Variants in NCOA6 observed in about 807,000 individuals in gnomAD.
NCOA6 encodes the protein nuclear receptor coactivator 6, also known as NRC RAP250.
In NCOA6, 49 loss-of-function variants were observed where a neutral mutation model predicts 171.4. The ratio of observed to expected loss-of-function variants is 0.29; its 90% CI spans 0.23 to 0.36. The LOEUF is 0.36. Among genes scored for constraint, NCOA6 ranks in the 10% least tolerant of loss-of-function variants. NCOA6 has a pLI of 1.00. For missense variants in NCOA6, 2,248 were observed against 2,554.5 expected, an observed-to-expected ratio of 0.88 and a Z score of 2.59; for synonymous variants, 910 against 927.5, an observed-to-expected ratio of 0.98 and a Z score of 0.34.
In NCOA6 at chr20:34,733,850, CAAAAAAAAAA is replaced by C. The variant is rs60649247; in HGVS notation, c.5963-1265_5963-1256del. Reference sequence around the variant, plus strand: ...CTGGTGACAGAGCAAGACTCTGTCCCAAAAAAAAAAAAAAAAAAAAAAAAAAAAGGAAGGG... The same window carrying C: ...CTGGTGACAGAGCAAGACTCTGTCCCAAAAAAAAAAAAAAAAAAGGAAGGG... On this transcript the variant is annotated intron_variant, in intron 12 of 14. Transcript: ENST00000359003. 1.8e-4 allele frequency among the ~76,000 whole-genome samples: 8 copies of C among 44,410 alleles called. No homozygotes were observed. In the East Asian group the frequency reaches 5.9e-3, roughly 33 times the overall value. The allele number at this position is 44,410 out of a possible 152,430, so 29.1% of individuals were successfully genotyped here.
chr20:34,812,093 C>CA lies in NCOA6; in HGVS notation c.-164+13378dup, dbSNP rs934092975. On this transcript the variant is annotated intron_variant, in intron 1 of 14. Transcript: ENST00000359003. ...TGAAACCCTGTACCTACTAAAAATA[C>CA]AAAAAAAAAATTAGCTGGGCGTGGT... is the stretch of plus-strand genomic sequence containing the variant. Among the ~76,000 whole-genome samples, 221 of 147,902 alleles carry CA rather than the reference C, an allele frequency of 1.5e-3. 1 individual carries two copies. The highest frequency in any genetic ancestry group is 4.7e-3 in the African/African-American group (191 of 40,448).
intron 1 of NCOA6, among the ~76,000 whole-genome samples, chr20:34,793,727 AAACT>A (rs2077972717): frequency 6.6e-6 from 1 of 152,220 alleles, no homozygotes; most frequent in Admixed American, 6.5e-5. Flanking sequence ...AAAAAACAAC[AAACT>A]AAGAAAAAAA....
intron 2 of NCOA6, among the ~76,000 whole-genome samples, chr20:34,787,645 T>C (rs1423696955): frequency 6.6e-6 from 1 of 152,176 alleles, no homozygotes; most frequent in Non-Finnish European, 1.5e-5. Flanking sequence ...AACCTGTATT[T>C]GATGCAGGAC....
intron 1 of NCOA6, among the ~76,000 whole-genome samples, chr20:34,818,348 T>C (rs934816608): frequency 6.6e-6 from 1 of 152,094 alleles, no homozygotes; most frequent in African/African-American, 2.4e-5. Flanking sequence ...AGTAAGACCC[T>C]GGTTCTATTT....
At chr20:34,807,157 T>C (rs952703625) in intron 1 of NCOA6, among the ~76,000 whole-genome samples, 7 of 152,214 alleles carry the variant, frequency 4.6e-5, no homozygotes, top group Non-Finnish European at 7.3e-5. Context: ...TTTGTGATGT[T>C]GAAGAAGCTA....
At chr20:34,733,530 C>T (rs899513382) in intron 12 of NCOA6, among the ~76,000 whole-genome samples, 8 of 152,096 alleles carry the variant, frequency 5.3e-5, no homozygotes, top group African/African-American at 1.9e-4. Context: ...CAATCCCTTA[C>T]CTAAAAAATG....
At chr20:34,751,576 G>C (rs916257099) in intron 8 of NCOA6, among the ~76,000 whole-genome samples, 1 of 151,956 alleles carries the variant, frequency 6.6e-6, no homozygotes, top group Non-Finnish European at 1.5e-5. Context: ...GTAAAAAGCA[G>C]TTAATCTTGA....
rs1433221035 is a variant in NCOA6, at chr20:34,740,664, G to C, written c.5592C>G (p.Leu1864=). The part of the protein sequence containing the change: ...GQGLDTTAPG[L]MGTEQLSTEL... Reference sequence around the variant, plus strand: ...CTGTGGATAACTGCTCTGTTCCCATGAGCCCCGGAGCTGTGGTGTCTAGCC... The same window carrying C: ...CTGTGGATAACTGCTCTGTTCCCATCAGCCCCGGAGCTGTGGTGTCTAGCC... Residue 1864 remains leucine, a synonymous_variant, in exon 11 of 15, where the codon CTC becomes CTG. Coordinates refer to ENST00000359003, the MANE Select transcript of NCOA6 (RefSeq NM_014071.5). 5.0e-6 allele frequency: 8 copies of C among 1,614,196 alleles called. No homozygotes were observed. Among genetic ancestry groups the C allele is most frequent in the Non-Finnish European group, 5.1e-6 (6 of 1,180,038 alleles).
chr20:34,763,054 T>C (rs1168452551), intron 5 of NCOA6, among the ~76,000 whole-genome samples: 1 of 152,246 alleles, frequency 6.6e-6, no homozygotes, highest in African/African-American at 2.4e-5. Context: ...TGTTTTTCAA[T>C]GTTCTGTAGC....
intron 11 of NCOA6, 56 bp from the exon 12 acceptor site, chr20:34,736,814 A>T: frequency 6.7e-6 from 10 of 1,494,532 alleles, no homozygotes; most frequent in Non-Finnish European, 9.1e-6. Flanking sequence ...AAACAAAAAG[A>T]AAGCATTAAC....
In NCOA6 at chr20:34,800,509, G is replaced by A. The variant is rs75182458; in HGVS notation, c.-163-7946C>T. On this transcript the variant is annotated intron_variant, in intron 1 of 14. Transcript: ENST00000359003. ...AGAAACACACTTCACCTACAAAGACGCATACAGACTGAAAACAAAGGGATG... is the reference window on the plus strand; with the variant it reads ...AGAAACACACTTCACCTACAAAGACACATACAGACTGAAAACAAAGGGATG... 4.2e-3 allele frequency among the ~76,000 whole-genome samples: 634 copies of A among 152,066 alleles called. 2 individuals carry two copies. Among genetic ancestry groups the A allele is most frequent in the African/African-American group, 0.015 (602 of 41,506 alleles).
intron 1 of NCOA6, among the ~76,000 whole-genome samples, chr20:34,803,222 C>T (rs1224437026): frequency 1.3e-5 from 2 of 152,124 alleles, no homozygotes; most frequent in African/African-American, 4.8e-5. Flanking sequence ...AATCTCAGAA[C>T]TTTGGAATGC....
intron 2 of NCOA6, among the ~76,000 whole-genome samples, chr20:34,789,186 T>C (rs2077784802): frequency 6.6e-6 from 1 of 152,224 alleles, no homozygotes; most frequent in Non-Finnish European, 1.5e-5. Flanking sequence ...ACTATGGTAG[T>C]AGTAATGAGA....
chr20:34,740,525 G>A lies in NCOA6; in HGVS notation c.5731C>T (p.Pro1911Ser). ...AGPSLPGGAL[P>S]TSVRSIVTTL... is the part of the protein sequence containing the mutation. ...GTTACTATCGAGCGTACACTGGTGG[G>A]GAGAGCACCGCCAGGTAAGCTGGGT... Residue 1911 changes from proline to serine, a missense_variant, in exon 11 of 15, where the codon CCC (proline) becomes TCC (serine). Physicochemically the swap from Pro to Ser is moderately conservative, Grantham distance 74. Coordinates refer to ENST00000359003, the MANE Select transcript of NCOA6 (RefSeq NM_014071.5). The A allele has an allele frequency of 6.2e-7, 1 of 1,614,182 alleles. No homozygotes were observed. Among genetic ancestry groups the A allele is most frequent in the Non-Finnish European group, 8.5e-7 (1 of 1,180,032 alleles).
intron 8 of NCOA6, among the ~76,000 whole-genome samples, chr20:34,751,392 A>AAAAAAAAG: frequency 6.8e-6 from 1 of 146,888 alleles, no homozygotes; most frequent in Non-Finnish European, 1.5e-5. Flanking sequence ...AAAAAAAAAA[A>AAAAAAAAG]AAAAGAATGT....
intron 1 of NCOA6, among the ~76,000 whole-genome samples, chr20:34,811,175 C>T (rs2078644619): frequency 9.8e-6 from 1 of 101,924 alleles, no homozygotes; most frequent in Admixed American, 1.1e-4. Flanking sequence ...AACTCAAGGA[C>T]TATTTAACAA....
chr20:34,810,920 T>G (rs954243149), intron 1 of NCOA6, among the ~76,000 whole-genome samples: 1 of 151,954 alleles, frequency 6.6e-6, no homozygotes, highest in African/African-American at 2.4e-5. Context: ...CTATTAGTAG[T>G]AAAATCAACT....
intron 1 of NCOA6, among the ~76,000 whole-genome samples, chr20:34,797,065 C>CT (rs2078100410): frequency 6.6e-6 from 1 of 152,088 alleles, no homozygotes; most frequent in Admixed American, 6.5e-5. Context: ...TTTTTATCTC[C>CT]TTTTTTGAAG....
chr20:34,811,234 T>TATATATATATAC lies in NCOA6; in HGVS notation c.-164+14237_-164+14238insGTATATATATAT, dbSNP rs1344933526. 2.6e-3 allele frequency among the ~76,000 whole-genome samples: 311 copies of TATATATATATAC among 119,878 alleles called. 7 individuals carry two copies. Among genetic ancestry groups the TATATATATATAC allele is most frequent in the African/African-American group, 6.8e-3 (221 of 32,506 alleles). The allele number at this position is 119,878 out of a possible 152,430, so 78.6% of individuals were successfully genotyped here. A position where few individuals can be genotyped will look rare whatever the true frequency, so the allele number is the denominator to read the frequency against. On this transcript the variant is annotated intron_variant, in intron 1 of 14. Transcript: ENST00000359003. ...ATATATATATATATATATATATATA[T>TATATATATATAC]ATGCTTTCAAAATGCATTTTACAAA...
Sources: allele counts gnomAD v4.1 joint callset (sites outside exome capture counted in the v4.1 genomes callset), GRCh38; gene constraint gnomAD v4.1.1; transcripts MANE v1.5; gene names NCBI Gene and HGNC (gene_info 2026-07-23, HGNC 2026-07-21).